ADGRV1: variants seen among roughly 807,000 people sequenced by gnomAD.
ADGRV1 encodes G-protein coupled receptor 98.
A neutral mutation model predicts 596.2 loss-of-function variants in ADGRV1; 359 were observed. That is an observed-to-expected ratio of 0.60 (90% CI 0.55 to 0.66). The LOEUF (loss-of-function observed/expected upper bound fraction) is 0.66. Ranked by LOEUF, ADGRV1 falls within the 30% of genes least tolerant of loss-of-function variation. ADGRV1 has a pLI of 0.00. For missense variants in ADGRV1, 7,274 were observed against 7,575.6 expected, an observed-to-expected ratio of 0.96 and a Z score of 1.48; for synonymous variants, 2,681 against 2,679.2, an observed-to-expected ratio of 1.00 and a Z score of -0.02.
rs535767721 is a variant in ADGRV1, at chr5:90,967,240, G to A, written c.17973+1709G>A. On this transcript the variant is annotated intron_variant, in intron 84 of 89. Coordinates refer to ENST00000405460, the MANE Select transcript of ADGRV1 (RefSeq NM_032119.4). ...TCTGTGTAAGCTTAATCAAGCTATT[G>A]ACTCTCTCCAAGATTTGTTTCTAAA... Among the ~76,000 whole-genome samples, 7 of 150,862 alleles carry A rather than the reference G, an allele frequency of 4.6e-5. No individual in the cohort carries two copies. In the East Asian group the frequency reaches 1.5e-3, roughly 32 times the overall value.
Position 90,637,720 on chromosome 5 carries a change from A to C in ADGRV1, c.2017-5A>C. 1.3e-6 allele frequency: 2 copies of C among 1,565,870 alleles called. No homozygotes were observed. Among genetic ancestry groups the C allele is most frequent in the South Asian group, 2.4e-5 (2 of 82,952 alleles). ...GAAATTGTTCTGTTCTTTTCTTTTT[A>C]TAAGGTATACATTCCCTTACATCGG... is the stretch of plus-strand genomic sequence containing the variant. On this transcript the variant is annotated splice_region_variant and splice_polypyrimidine_tract_variant and intron_variant, in intron 10 of 89. Coordinates refer to ENST00000405460, the MANE Select transcript of ADGRV1 (RefSeq NM_032119.4).
chr5:91,112,101 G>T (rs1458346478), intron 87 of ADGRV1, among the ~76,000 whole-genome samples: 1 of 152,150 alleles, frequency 6.6e-6, no homozygotes, highest in Non-Finnish European at 1.5e-5. Context: ...TTAGCCTGTT[G>T]ATTGACCAGG....
At chr5:90,837,813 C>T (rs1360156801) in intron 77 of ADGRV1, among the ~76,000 whole-genome samples, 1 of 152,108 alleles carries the variant, frequency 6.6e-6, no homozygotes, top group African/African-American at 2.4e-5. Flanking sequence ...CACCTTGTTT[C>T]AGAAATTTAA....
intron 84 of ADGRV1, among the ~76,000 whole-genome samples, chr5:90,968,701 G>A (rs966057362): frequency 1.4e-5 from 2 of 144,628 alleles, no homozygotes; most frequent in Non-Finnish European, 3.1e-5. Context: ...AACAGTGACT[G>A]CTGAAATCTT....
At chr5:90,728,983 A>G (rs1229496503) in intron 49 of ADGRV1, 50 bp downstream of exon 49, 7 of 1,258,066 alleles carry the variant, frequency 5.6e-6, no homozygotes, top group East Asian at 4.8e-5. Flanking sequence ...GAAATCATCT[A>G]GCATTCATAT....
At chr5:90,654,168 C>T in intron 20 of ADGRV1, 1 of 573,150 alleles carries the variant, frequency 1.7e-6, no homozygotes, top group Non-Finnish European at 3.1e-6. Flanking sequence ...CCTTAAAGAA[C>T]CTGGAATAAA....
rs758738191 is a variant in ADGRV1 at position 90,708,869 on chromosome 5, AC to A, written c.8785del (p.Thr2930ProfsTer12). 1.2e-5 allele frequency: 20 copies of A among 1,612,372 alleles called. No homozygotes were observed. The highest frequency in any genetic ancestry group is 1.4e-5 in the Non-Finnish European group (16 of 1,178,930). On this transcript the variant is annotated frameshift_variant, in exon 39 of 90. Coordinates refer to ENST00000405460, the MANE Select transcript of ADGRV1 (RefSeq NM_032119.4). LOFTEE classifies it high-confidence loss of function. ...YFLVNLTYVG[L>X]TMAASTSFPP... ...TCCTGGTGAATTTAACTTACGTTGG[AC>A]TTACCATGGCTGCTTCAACTTCATT...
intron 84 of ADGRV1, among the ~76,000 whole-genome samples, chr5:90,980,047 A>T (rs1020169752): frequency 6.6e-6 from 1 of 152,230 alleles, no homozygotes; most frequent in African/African-American, 2.4e-5. Context: ...AGCATTACAT[A>T]GTTTTCTTTA....
At chr5:90,934,715 C>A (rs910830972) in intron 83 of ADGRV1, among the ~76,000 whole-genome samples, 1 of 152,214 alleles carries the variant, frequency 6.6e-6, no homozygotes, top group African/African-American at 2.4e-5. Flanking sequence ...ATACAACAGA[C>A]TGTGTGACTT....
chr5:91,092,494 C>G (rs994496332), intron 86 of ADGRV1: 2 of 152,188 alleles, frequency 1.3e-5, no homozygotes, highest in African/African-American at 4.8e-5. Context: ...CAATACTCCT[C>G]AAAGTCTAGG....
At chr5:90,655,367 G>A (rs1455622123) in intron 20 of ADGRV1, 4 of 152,166 alleles carry the variant, frequency 2.6e-5, no homozygotes, top group Non-Finnish European at 5.9e-5. Flanking sequence ...TTTGCCTGCT[G>A]TAGATATTTC....
chr5:90,773,347 A>C (rs375180321), intron 59 of ADGRV1, among the ~76,000 whole-genome samples: 2 of 152,132 alleles, frequency 1.3e-5, no homozygotes, highest in African/African-American at 4.8e-5. Flanking sequence ...ATAAATTATA[A>C]TAAAAGACCA....
chr5:91,118,880 G>A lies in ADGRV1; in HGVS notation c.18432+16540G>A, dbSNP rs370556877. 1.7e-4 allele frequency among the ~76,000 whole-genome samples: 26 copies of A among 151,978 alleles called. No individual in the cohort carries two copies. In the East Asian group the frequency reaches 4.6e-3, roughly 27 times the overall value. On this transcript the variant is annotated intron_variant, in intron 87 of 89. Transcript: ENST00000405460. ...GCTTGTATCTCTGTGAACTCATAGGGGATTCTCTTTTTCTTTTCCTGTCTC... is the reference window on the plus strand; with the variant it reads ...GCTTGTATCTCTGTGAACTCATAGGAGATTCTCTTTTTCTTTTCCTGTCTC...
Position 90,778,562 on chromosome 5 carries a change from C to T in ADGRV1, c.12802C>T (p.Arg4268Ter), listed in dbSNP as rs746762200. The change falls in exon 63 of 90, where the codon CGA becomes TGA. Residue 4268 changes from arginine to a stop codon, truncating the protein, a stop_gained. Transcript: ENST00000405460. LOFTEE classifies it high-confidence loss of function. The part of the protein sequence containing the change: ...TVVASDSPYG[R>*]FAFSHEQLRV... ...GGTGGCCAGCGACTCTCCCTATGGCCGATTTGCCTTTTCACATGAGCAACT... is the reference window on the plus strand; with the variant it reads ...GGTGGCCAGCGACTCTCCCTATGGCTGATTTGCCTTTTCACATGAGCAACT... The T allele has an allele frequency of 2.5e-6, 4 of 1,608,670 alleles. No individual in the cohort carries two copies. The highest frequency in any genetic ancestry group is 3.4e-6 in the Non-Finnish European group (4 of 1,177,040).
intron 83 of ADGRV1, among the ~76,000 whole-genome samples, chr5:90,940,198 G>A (rs533583226): frequency 1.0e-3 from 157 of 152,284 alleles, no homozygotes; most frequent in Non-Finnish European, 2.0e-3. Flanking sequence ...ACTGTCTTTT[G>A]AGGACTTGGA....
chr5:90,613,746 AACGGAGAACATTGC>A (rs1291698142), intron 1 of ADGRV1, among the ~76,000 whole-genome samples: 1 of 152,144 alleles, frequency 6.6e-6, no homozygotes. Flanking sequence ...GTATATACTT[AACGGAGAACATTGC>A]ACTTAAATCC....
At chr5:90,621,763 G>A (rs1296932551) in intron 4 of ADGRV1, among the ~76,000 whole-genome samples, 2 of 152,122 alleles carry the variant, frequency 1.3e-5, no homozygotes, top group Non-Finnish European at 2.9e-5. Context: ...AGCTCACGGT[G>A]GTGCTCAATA....
At chr5:90,798,233 TA>T (rs1240504697) in intron 70 of ADGRV1, among the ~76,000 whole-genome samples, 1 of 152,122 alleles carries the variant, frequency 6.6e-6, no homozygotes, top group Non-Finnish European at 1.5e-5. Flanking sequence ...TAAAAAATGA[TA>T]TAGGGGATAT....
chr5:90,783,969 A>G lies in ADGRV1; in HGVS notation c.13565A>G (p.Gln4522Arg). Residue 4522 changes from glutamine (Q) to arginine (R), a missense_variant, in exon 67 of 90, where the codon CAA (glutamine) becomes CGA (arginine). Transcript: ENST00000405460. ...TTTGGAGTTATAAGGTTTCTCAATCAAAGCAAAATTTCTATTGCTAATCCC... is the reference window on the plus strand; with the variant it reads ...TTTGGAGTTATAAGGTTTCTCAATCGAAGCAAAATTTCTATTGCTAATCCC... ...SPFGVIRFLN[Q>R]SKISIANPNS... The G allele has an allele frequency of 1.2e-6, 2 of 1,612,544 alleles. No homozygotes were observed. The highest frequency in any genetic ancestry group is 1.7e-6 in the Non-Finnish European group (2 of 1,179,292).
Sources: allele counts gnomAD v4.1 joint callset (sites outside exome capture counted in the v4.1 genomes callset), GRCh38; gene constraint gnomAD v4.1.1; transcripts MANE v1.5; gene names NCBI Gene and HGNC (gene_info 2026-07-23, HGNC 2026-07-21).